The following PPM1H variants were observed in gnomAD, a reference collection of about 807,000 sequenced individuals.
PPM1H encodes the protein protein phosphatase 1H.
A neutral mutation model predicts 54.9 loss-of-function variants in PPM1H; 27 were observed. That is an observed-to-expected ratio of 0.49 (90% CI 0.36 to 0.68). The LOEUF (loss-of-function observed/expected upper bound fraction) is 0.68. PPM1H is among the 30% of genes least tolerant of loss of function. PPM1H has a pLI of 0.00. For missense variants in PPM1H, 596 were observed against 667.8 expected, an observed-to-expected ratio of 0.89 and a Z score of 1.19; for synonymous variants, 305 against 270.8, an observed-to-expected ratio of 1.13 and a Z score of -1.24.
chr12:62,657,077 A>G (rs984188502), intron 9 of PPM1H, among the ~76,000 whole-genome samples: 4 of 152,054 alleles, frequency 2.6e-5, no homozygotes, highest in African/African-American at 9.7e-5. Flanking sequence ...ATACCCTGAG[A>G]CACCAGAATA....
chr12:62,676,228 G>A (rs1428349521), intron 8 of PPM1H, among the ~76,000 whole-genome samples: 1 of 152,180 alleles, frequency 6.6e-6, no homozygotes, highest in East Asian at 1.9e-4. Context: ...ACTACAATAT[G>A]GACGCATCAC....
chr12:62,839,388 G>A (rs1411006339), intron 1 of PPM1H, among the ~76,000 whole-genome samples: 2 of 152,090 alleles, frequency 1.3e-5, no homozygotes, highest in Admixed American at 6.6e-5. Context: ...TAAATTAGTT[G>A]CCAATATTTT....
At chr12:62,657,794 G>A (rs1029638698) in intron 9 of PPM1H, among the ~76,000 whole-genome samples, 5 of 152,024 alleles carry the variant, frequency 3.3e-5, no homozygotes, top group African/African-American at 9.7e-5. Flanking sequence ...TTGAATTAAC[G>A]CCTGTTGTCA....
At chr12:62,932,628 C>CTTTTTGTTTTTTTTTTTTTT (rs1872177445) in intron 1 of PPM1H, among the ~76,000 whole-genome samples, 1 of 54,012 alleles carries the variant, frequency 1.9e-5, no homozygotes, top group Non-Finnish European at 3.2e-5. Flanking sequence ...TCCAAATGGG[C>CTTTTTGTTTTTTTTTTTTTT]TTTTTTTTTT....
chr12:62,722,409 A>G (rs1453111607), intron 5 of PPM1H, among the ~76,000 whole-genome samples: 1 of 152,182 alleles, frequency 6.6e-6, no homozygotes, highest in African/African-American at 2.4e-5. Context: ...AGAACACTAC[A>G]TCCTGGAGAG....
chr12:62,673,662 C>A (rs1381563759), intron 8 of PPM1H, among the ~76,000 whole-genome samples: 1 of 146,950 alleles, frequency 6.8e-6, no homozygotes, highest in Non-Finnish European at 1.5e-5. Flanking sequence ...TTATCAGAAG[C>A]CTTGCTTCAG....
intron 2 of PPM1H, among the ~76,000 whole-genome samples, chr12:62,804,921 C>T (rs1447838555): frequency 2.6e-5 from 4 of 151,860 alleles, no homozygotes; most frequent in African/African-American, 4.8e-5. Context: ...GTGATCCGCC[C>T]GCCTCGGCCT....
At chr12:62,899,357 G>A (rs561362002) in intron 1 of PPM1H, among the ~76,000 whole-genome samples, 10 of 152,052 alleles carry the variant, frequency 6.6e-5, no homozygotes, top group African/African-American at 2.4e-4. Context: ...GACCACTTGA[G>A]GCCAGGAGTT....
chr12:62,878,314 C>T (rs1342151996), intron 1 of PPM1H, among the ~76,000 whole-genome samples: 1 of 152,132 alleles, frequency 6.6e-6, no homozygotes. Context: ...CCCGCTTTGA[C>T]CCCCATCAGG....
At position 62,688,767 on chromosome 12, in the gene PPM1H, G is replaced by A. The variant is rs139641243; in HGVS notation, c.1245+932C>T. On this transcript the variant is annotated intron_variant, in intron 8 of 9. Transcript: ENST00000228705. ...TCTCAGCACTTAGGGAGGCTGAGAC[G>A]GGTGGATCACTTGAGGTCAGGAGTT... Among the ~76,000 whole-genome samples, 926 of 152,168 alleles carry A rather than the reference G, an allele frequency of 6.1e-3. 10 individuals are homozygous for A. The highest frequency in any genetic ancestry group is 0.021 in the African/African-American group (852 of 41,502).
chr12:62,920,485 GT>G (rs35100515), intron 1 of PPM1H, among the ~76,000 whole-genome samples: 97 of 136,652 alleles, frequency 7.1e-4, no homozygotes, highest in East Asian at 1.3e-3. Flanking sequence ...CCTGAATGAG[GT>G]TTTTTTTTTT....
intron 4 of PPM1H, among the ~76,000 whole-genome samples, chr12:62,785,995 T>C (rs923732424): frequency 6.6e-6 from 1 of 152,128 alleles, no homozygotes; most frequent in Non-Finnish European, 1.5e-5. Context: ...GGCACTTCCC[T>C]GGGAGGTAGG....
intron 1 of PPM1H, among the ~76,000 whole-genome samples, chr12:62,834,924 G>A (rs777121366): frequency 2.0e-4 from 31 of 152,002 alleles, no homozygotes; most frequent in African/African-American, 3.6e-4. Context: ...CCAAATGTGC[G>A]CCTTCCCTGG....
rs191520315 is a variant in PPM1H at position 62,765,898 on chromosome 12, G to A, written c.869+22328C>T. 8.1e-4 allele frequency among the ~76,000 whole-genome samples: 124 copies of A among 152,366 alleles called. 1 individual carries two copies. In the East Asian group the frequency reaches 0.019, roughly 24 times the overall value. On this transcript the variant is annotated intron_variant, in intron 4 of 9. Coordinates refer to ENST00000228705, the MANE Select transcript of PPM1H (RefSeq NM_020700.2). ...CCTGGTCTGGCATTGCCAGAGCTCA[G>A]GGTATGAGGATGAGAAGTGACAGGT...
intron 9 of PPM1H, among the ~76,000 whole-genome samples, chr12:62,662,997 T>C (rs2075893624): frequency 1.3e-5 from 2 of 152,170 alleles, no homozygotes; most frequent in Non-Finnish European, 2.9e-5. Flanking sequence ...TATTCCTCTA[T>C]GGCTTATTAA....
chr12:62,807,841 C>T (rs747996521), intron 2 of PPM1H, among the ~76,000 whole-genome samples: 16 of 152,116 alleles, frequency 1.1e-4, no homozygotes, highest in African/African-American at 9.7e-5. Context: ...AAAAACCTTC[C>T]CATCACTTAT....
At chr12:62,656,384 G>A (rs1373262743) in intron 9 of PPM1H, among the ~76,000 whole-genome samples, 1 of 152,146 alleles carries the variant, frequency 6.6e-6, no homozygotes, top group East Asian at 1.9e-4. Flanking sequence ...CACAATCGGA[G>A]GTCAATAAGT....
intron 4 of PPM1H, among the ~76,000 whole-genome samples, chr12:62,771,100 C>T (rs552567343): frequency 1.2e-4 from 16 of 133,086 alleles, no homozygotes; most frequent in African/African-American, 3.7e-4. Flanking sequence ...CTGTGTTTTT[C>T]GAATGCCTGA....
chr12:62,905,043 C>T (rs1259371252), intron 1 of PPM1H, among the ~76,000 whole-genome samples: 1 of 152,154 alleles, frequency 6.6e-6, no homozygotes, highest in Non-Finnish European at 1.5e-5. Context: ...GCCACTTACT[C>T]ATGGTGTGAC....
Sources: gnomAD v4.1 joint callset for allele counts (sites outside exome capture counted in the v4.1 genomes callset) on GRCh38, gnomAD v4.1.1 for gene constraint, MANE v1.5 for transcripts, NCBI Gene and HGNC (gene_info 2026-07-23, HGNC 2026-07-21) for gene names.